Variants in IGFL2 observed in about 807,000 individuals in gnomAD.
IGFL2 encodes the protein insulin growth factor-like family member 2.
IGFL2 carries 7 observed loss-of-function variants against 13.9 expected under a neutral mutation model. That is an observed-to-expected ratio of 0.51 (90% CI 0.29 to 0.95). The LOEUF is 0.95. Ranked by LOEUF, IGFL2 falls within the 40% of genes least tolerant of loss-of-function variation. The pLI is 0.08. For missense variants in IGFL2, 138 were observed against 147.8 expected (o/e 0.93, Z 0.34); for synonymous variants, 55 against 55.8 (o/e 0.99, Z 0.07).
At chr19:46,163,677 C>T (rs1974263041), downstream of IGFL2, among the ~76,000 whole-genome samples, 1 of 152,176 alleles carries the variant, frequency 6.6e-6, no homozygotes, top group Admixed American at 6.5e-5. Context: ...CATGGAGTTG[C>T]TGAGTTGCTA....
At chr19:46,097,499 GTC>G in the IGFL2 span, among the ~76,000 whole-genome samples, 1 of 151,778 alleles carries the variant, frequency 6.6e-6, no homozygotes, top group African/African-American at 2.4e-5. Flanking sequence ...AGTTTTTTGT[GTC>G]TCTATCTCCT....
At chr19:46,184,070 C>T in the IGFL2 span, among the ~76,000 whole-genome samples, 2 of 152,088 alleles carry the variant, frequency 1.3e-5, no homozygotes, top group Admixed American at 6.6e-5. Context: ...ATGGAGATCA[C>T]GTTTTCTCAT....
the IGFL2 span, among the ~76,000 whole-genome samples, chr19:46,170,284 G>C: frequency 6.6e-6 from 1 of 152,030 alleles, no homozygotes; most frequent in Non-Finnish European, 1.5e-5. Flanking sequence ...TGCTGAAGCC[G>C]TAACAGAAGA....
At chr19:46,121,234 C>CA in the IGFL2 span, among the ~76,000 whole-genome samples, 1 of 148,520 alleles carries the variant, frequency 6.7e-6, no homozygotes, top group South Asian at 2.2e-4. Context: ...ACCAAAAAAC[C>CA]AAAGTTAGCC....
the IGFL2 span, among the ~76,000 whole-genome samples, chr19:46,107,311 C>T: frequency 6.6e-6 from 1 of 152,196 alleles, no homozygotes; most frequent in African/African-American, 2.4e-5. Flanking sequence ...CGTCAGTCTT[C>T]AGCCACTAAG....
At chr19:46,081,598 C>G in the IGFL2 span, among the ~76,000 whole-genome samples, 1 of 152,168 alleles carries the variant, frequency 6.6e-6, no homozygotes, top group Non-Finnish European at 1.5e-5. Context: ...TCTTATCAGA[C>G]AGATAGTCTT....
At chr19:46,203,146 A>T in the IGFL2 span, 1 of 152,326 alleles carries the variant, frequency 6.6e-6, no homozygotes, top group African/African-American at 2.4e-5. Flanking sequence ...ATTACAGTTA[A>T]AGGTGGTTAT....
the IGFL2 span, chr19:46,113,408 G>T: frequency 2.5e-6 from 1 of 400,968 alleles, no homozygotes; most frequent in Non-Finnish European, 5.0e-6. Context: ...GGGGACATTT[G>T]GAAACTTCCA....
At chr19:46,180,426 C>G in the IGFL2 span, among the ~76,000 whole-genome samples, 1 of 152,166 alleles carries the variant, frequency 6.6e-6, no homozygotes, top group Admixed American at 6.5e-5. Context: ...ATCCGCCTGC[C>G]TTGGCCTCCC....
the IGFL2 span, among the ~76,000 whole-genome samples, chr19:46,096,553 C>G: frequency 0.056 from 8,576 of 152,130 alleles, 303 homozygotes; most frequent in Admixed American, 0.093. Context: ...GCTTCCAATA[C>G]TATGTTGAAC....
the IGFL2 span, among the ~76,000 whole-genome samples, chr19:46,170,771 G>C: frequency 1.3e-5 from 2 of 152,204 alleles, no homozygotes; most frequent in African/African-American, 4.8e-5. Flanking sequence ...GCCTCCTGCA[G>C]CACCCCCAGG....
chr19:46,170,649 T>C, the IGFL2 span, among the ~76,000 whole-genome samples: 1 of 152,120 alleles, frequency 6.6e-6, no homozygotes, highest in Non-Finnish European at 1.5e-5. Flanking sequence ...GTAAGGAATA[T>C]TAATAATTAA....
chr19:46,185,847 AC>A, the IGFL2 span, among the ~76,000 whole-genome samples: 1 of 152,028 alleles, frequency 6.6e-6, no homozygotes, highest in Non-Finnish European at 1.5e-5. Flanking sequence ...CACACCTCGC[AC>A]CCCGGCCTCC....
the IGFL2 span, among the ~76,000 whole-genome samples, chr19:46,110,456 A>G: frequency 6.6e-6 from 1 of 152,210 alleles, no homozygotes; most frequent in Non-Finnish European, 1.5e-5. Flanking sequence ...GTTTTATGAT[A>G]CATCAAAAAC....
the IGFL2 span, among the ~76,000 whole-genome samples, chr19:46,109,033 G>A: frequency 6.6e-6 from 1 of 152,216 alleles, no homozygotes; most frequent in Non-Finnish European, 1.5e-5. Context: ...GGTGAGGACA[G>A]GGGACTGGTC....
chr19:46,137,232 T>C, the IGFL2 span: 1 of 1,480,014 alleles, frequency 6.8e-7, no homozygotes, highest in South Asian at 1.1e-5. Context: ...CGGCAGGTAA[T>C]TGTGAACTGA....
chr19:46,145,598 ATATGTGTGTGTGTGTGTG>A (rs1973085194), upstream of IGFL2, among the ~76,000 whole-genome samples: 1 of 138,380 alleles, frequency 7.2e-6, no homozygotes, highest in Non-Finnish European at 1.5e-5. Context: ...ACACTCATAT[ATATGTGTGTGTGTGTGTG>A]TGTGTGTGTG....
At chr19:46,148,029 T>C (rs1199123202), upstream of IGFL2, 2 of 472,958 alleles carry the variant, frequency 4.2e-6, no homozygotes, top group Non-Finnish European at 7.5e-6. Context: ...TAGGGAAGCC[T>C]TTACTCTGAG....
the IGFL2 span, among the ~76,000 whole-genome samples, chr19:46,133,808 A>C: frequency 1.3e-3 from 194 of 152,344 alleles, no homozygotes; most frequent in African/African-American, 4.4e-3. Context: ...GATCCCAGGC[A>C]AGCCCCTAAA....
Sources: allele counts gnomAD v4.1 joint callset (sites outside exome capture counted in the v4.1 genomes callset), GRCh38; gene constraint gnomAD v4.1.1; transcripts MANE v1.5; gene names NCBI Gene and HGNC (gene_info 2026-07-23, HGNC 2026-07-21).